The following PRTG variants were observed in gnomAD, a reference collection of about 807,000 sequenced individuals.
PRTG encodes the protein protogenin.
Under a neutral mutation model 122.5 loss-of-function variants are expected in PRTG, and 67 were observed. The observed-to-expected ratio is 0.55, with a 90% CI of 0.45 to 0.67. The LOEUF is 0.67. PRTG is among the 30% of genes least tolerant of loss of function. PRTG has a pLI of 0.00. For synonymous variants in PRTG, 554 were observed against 501.1 expected (o/e 1.11, Z -1.41); for missense variants, 1,435 against 1,415.4 (o/e 1.01, Z -0.22).
In PRTG at chr15:55,672,525, T is replaced by G. The variant is rs370773457; in HGVS notation, c.1961A>C (p.Tyr654Ser). Residue 654 changes from tyrosine (Y) to serine (S), a missense_variant, in exon 11 of 20, where the codon TAC becomes TCC. By Grantham distance (144) the Tyr-to-Ser change is moderately radical. Transcript: ENST00000389286. ...CTCCTGCTGCCCTTCTTCCTTGTAG[T>G]ACAGCTTGTAGCCCTGAATAGCAGC... Reference protein sequence around the residue: ...DTAAIQGYKLYYKEEGQQENG... With the variant: ...DTAAIQGYKLSYKEEGQQENG... 8.1e-5 allele frequency: 130 copies of G among 1,613,986 alleles called. No homozygotes were observed. Among genetic ancestry groups the G allele is most frequent in the Non-Finnish European group, 1.0e-4 (123 of 1,179,964 alleles).
In PRTG at chr15:55,701,262, C is replaced by T. The variant is rs138797801; in HGVS notation, c.398-17331G>A. ...ATAAGACTCTGCATTCTTGGCCGGG[C>T]GCGGTGGCTCACGCCTGTAATCCCA... On this transcript the variant is annotated intron_variant, in intron 2 of 19. Coordinates refer to ENST00000389286, the MANE Select transcript of PRTG (RefSeq NM_173814.6). 3.2e-3 allele frequency among the ~76,000 whole-genome samples: 489 copies of T among 152,118 alleles called. 4 individuals carry two copies. The highest frequency in any genetic ancestry group is 6.6e-3 in the African/African-American group (275 of 41,480).
chr15:55,726,035 C>T (rs1172985439), intron 2 of PRTG, among the ~76,000 whole-genome samples: 1 of 152,096 alleles, frequency 6.6e-6, no homozygotes, highest in Non-Finnish European at 1.5e-5. Flanking sequence ...CTTCCGCCTC[C>T]CAGGTTCAAG....
chr15:55,687,578 T>C (rs554594463), intron 2 of PRTG, among the ~76,000 whole-genome samples: 4 of 152,296 alleles, frequency 2.6e-5, no homozygotes, highest in Non-Finnish European at 5.9e-5. Flanking sequence ...TTTTTTATTA[T>C]AACAATTGAG....
chr15:55,717,911 G>A (rs529637077), intron 2 of PRTG, among the ~76,000 whole-genome samples: 1 of 152,236 alleles, frequency 6.6e-6, no homozygotes, highest in South Asian at 2.1e-4. Flanking sequence ...TCACATGGAC[G>A]CGCATGAAAG....
intron 11 of PRTG, among the ~76,000 whole-genome samples, chr15:55,665,055 G>A (rs533560958): frequency 2.0e-5 from 3 of 151,752 alleles, no homozygotes; most frequent in East Asian, 2.0e-4. Context: ...TCAGGAGATC[G>A]AGACCATCCT....
chr15:55,714,405 A>AT (rs1317568637), intron 2 of PRTG, among the ~76,000 whole-genome samples: 1 of 150,432 alleles, frequency 6.6e-6, no homozygotes, highest in East Asian at 2.0e-4. Context: ...TTTTAAAAAC[A>AT]TTTTTTGTAG....
chr15:55,687,573 T>C (rs1006440460), intron 2 of PRTG, among the ~76,000 whole-genome samples: 3 of 152,198 alleles, frequency 2.0e-5, no homozygotes, highest in Non-Finnish European at 2.9e-5. Context: ...AAGATTTTTT[T>C]ATTATAACAA....
Position 55,683,863 on chromosome 15 carries a change from A to G in PRTG, c.466T>C (p.Cys156Arg). 6.2e-7 allele frequency: 1 copy of G among 1,614,004 alleles called. No homozygotes were observed. Among genetic ancestry groups the G allele is most frequent in the Non-Finnish European group, 8.5e-7 (1 of 1,179,898 alleles). The change falls in exon 3 of 20, where the codon TGC (cysteine) becomes CGC (arginine). Residue 156 changes from cysteine to arginine, a missense_variant. By Grantham distance (180) the Cys-to-Arg change is radical. Coordinates refer to ENST00000389286, the MANE Select transcript of PRTG (RefSeq NM_173814.6). The stretch of plus-strand genomic sequence containing the variant: ...GCAGGAGGGTGGGATGAAATCTTGC[A>G]TGCAAATCGAGCAACTCCACCTTCG... ...VHEGGVARFACKISSHPPAVI... is the reference protein window; with the variant it reads ...VHEGGVARFARKISSHPPAVI...
At chr15:55,698,224 T>C (rs2059642390) in intron 2 of PRTG, among the ~76,000 whole-genome samples, 1 of 152,204 alleles carries the variant, frequency 6.6e-6, no homozygotes, top group South Asian at 2.1e-4. Flanking sequence ...AAAAGTAGCA[T>C]CTAGATCTCA....
At chr15:55,726,166 C>A (rs2031024347) in intron 2 of PRTG, among the ~76,000 whole-genome samples, 1 of 152,090 alleles carries the variant, frequency 6.6e-6, no homozygotes, top group Non-Finnish European at 1.5e-5. Flanking sequence ...TTGTGTCAAT[C>A]TTTTGACCTC....
chr15:55,724,348 G>A (rs1211653163), intron 2 of PRTG, among the ~76,000 whole-genome samples: 3 of 151,980 alleles, frequency 2.0e-5, no homozygotes, highest in Admixed American at 1.3e-4. Context: ...CATATATTTT[G>A]GGACTCTGCT....
At chr15:55,696,348 G>A (rs572874195) in intron 2 of PRTG, among the ~76,000 whole-genome samples, 1 of 152,268 alleles carries the variant, frequency 6.6e-6, no homozygotes, top group Admixed American at 6.5e-5. Flanking sequence ...ATATATTAAC[G>A]TAAAGCTTAT....
intron 2 of PRTG, among the ~76,000 whole-genome samples, chr15:55,712,376 C>T (rs527938655): frequency 6.6e-6 from 1 of 152,296 alleles, no homozygotes; most frequent in African/African-American, 2.4e-5. Context: ...GTTTTCTGTG[C>T]CAGCAAAGGT....
At chr15:55,701,208 T>C (rs1269723530) in intron 2 of PRTG, among the ~76,000 whole-genome samples, 3 of 152,112 alleles carry the variant, frequency 2.0e-5, no homozygotes, top group Non-Finnish European at 4.4e-5. Context: ...GAAAATAACT[T>C]GGCAGTTTTT....
chr15:55,738,860 A>G (rs1595689455), intron 2 of PRTG, among the ~76,000 whole-genome samples: 1 of 123,898 alleles, frequency 8.1e-6, no homozygotes, highest in African/African-American at 3.1e-5. Flanking sequence ...AGAGGAGGGG[A>G]GGGAAGGAAG....
chr15:55,699,662 A>C (rs1030500605), intron 2 of PRTG, among the ~76,000 whole-genome samples: 2 of 152,206 alleles, frequency 1.3e-5, no homozygotes, highest in African/African-American at 4.8e-5. Context: ...ATGTATCATA[A>C]AGCACAGAAA....
chr15:55,699,565 T>C (rs1436052713), intron 2 of PRTG, among the ~76,000 whole-genome samples: 1 of 152,230 alleles, frequency 6.6e-6, no homozygotes, highest in Admixed American at 6.5e-5. Context: ...CCAAATTCTC[T>C]TATATTATTT....
At chr15:55,632,718 T>C (rs2059234588) in intron 15 of PRTG, among the ~76,000 whole-genome samples, 1 of 152,234 alleles carries the variant, frequency 6.6e-6, no homozygotes, top group African/African-American at 2.4e-5. Flanking sequence ...ACTCTTTTAC[T>C]ATCTCTATCA....
At chr15:55,693,977 AT>A (rs1333938246) in intron 2 of PRTG, among the ~76,000 whole-genome samples, 1 of 152,134 alleles carries the variant, frequency 6.6e-6, no homozygotes, top group Non-Finnish European at 1.5e-5. Flanking sequence ...CTAAAATTTA[AT>A]TTTTTTCCGT....
Sources: gnomAD v4.1 joint callset for allele counts (sites outside exome capture counted in the v4.1 genomes callset) on GRCh38, gnomAD v4.1.1 for gene constraint, MANE v1.5 for transcripts, NCBI Gene and HGNC (gene_info 2026-07-23, HGNC 2026-07-21) for gene names.